MB21D2: variants seen among roughly 807,000 people sequenced by gnomAD.
MB21D2 encodes Mab-21 domain containing 2.
MB21D2 carries 9 observed loss-of-function variants against 33.3 expected under a neutral mutation model. The ratio of observed to expected loss-of-function variants is 0.27; its 90% CI spans 0.16 to 0.47. MB21D2 has a LOEUF of 0.47. Ranked by LOEUF, MB21D2 falls within the 20% of genes least tolerant of loss-of-function variation. The pLI is 0.99. For missense variants in MB21D2, 540 were observed against 624.6 expected (o/e 0.86, Z 1.44); for synonymous variants, 241 against 236.3 (o/e 1.02, Z -0.18).
At chr3:192,864,914 C>T (rs1713138857) in intron 1 of MB21D2, among the ~76,000 whole-genome samples, 1 of 152,184 alleles carries the variant, frequency 6.6e-6, no homozygotes, top group Non-Finnish European at 1.5e-5. Flanking sequence ...ATTCCTCCTC[C>T]TACACTGCTT....
chr3:192,873,269 T>G (rs746457973), intron 1 of MB21D2, among the ~76,000 whole-genome samples: 2 of 152,182 alleles, frequency 1.3e-5, no homozygotes, highest in Non-Finnish European at 2.9e-5. Flanking sequence ...AGTGTGTCAC[T>G]TCCTATATTC....
At chr3:192,848,052 G>T (rs1393018747) in intron 1 of MB21D2, among the ~76,000 whole-genome samples, 1 of 152,186 alleles carries the variant, frequency 6.6e-6, no homozygotes, top group Non-Finnish European at 1.5e-5. Flanking sequence ...TTTCGGCCAA[G>T]AAGTGTTCTT....
intron 1 of MB21D2, among the ~76,000 whole-genome samples, chr3:192,884,750 G>T (rs1485423608): frequency 6.6e-6 from 1 of 151,982 alleles, no homozygotes; most frequent in Non-Finnish European, 1.5e-5. Flanking sequence ...CTATTCACAT[G>T]CACACATGTG....
At chr3:192,887,149 G>A (rs953078433) in intron 1 of MB21D2, among the ~76,000 whole-genome samples, 5 of 152,046 alleles carry the variant, frequency 3.3e-5, no homozygotes, top group Admixed American at 6.6e-5. Context: ...CGATATCAAT[G>A]AACTTTACTT....
chr3:192,822,249 G>A (rs1349416130), intron 1 of MB21D2, among the ~76,000 whole-genome samples: 1 of 152,086 alleles, frequency 6.6e-6, no homozygotes, highest in Non-Finnish European at 1.5e-5. Flanking sequence ...AATAAGAGAT[G>A]TTTCTAAATT....
intron 1 of MB21D2, among the ~76,000 whole-genome samples, chr3:192,899,815 C>T (rs1714054460): frequency 2.1e-5 from 1 of 46,636 alleles, no homozygotes; most frequent in South Asian, 6.6e-4. Flanking sequence ...GTGTCTTGGG[C>T]ACCTCGTGTG....
At position 192,799,434 on chromosome 3, in the gene MB21D2, A is replaced by G; in HGVS notation, c.428T>C (p.Leu143Ser). Residue 143 changes from leucine to serine, a missense_variant, in exon 2 of 2, where the codon TTG becomes TCG. By Grantham distance (145) the Leu-to-Ser change is moderately radical (BLOSUM62 -2). Coordinates refer to ENST00000392452, the MANE Select transcript of MB21D2 (RefSeq NM_178496.4). This position sits in a 1 kb window ranked among gnomAD's most constrained non-coding sequence, Gnocchi z 4.1. ...CCGAAGGCTCAGCCAAGAGTGGCAC[A>G]AGGCTGAGTGGCGCATGTCGAGTGT... ...PVTLDMRHSA[L>S]CHSWLSLRLF... The G allele has an allele frequency of 6.2e-7, 1 of 1,614,248 alleles. No homozygotes were observed. The highest frequency in any genetic ancestry group is 8.5e-7 in the Non-Finnish European group (1 of 1,180,044).
Position 192,917,635 on chromosome 3 carries a change from A to G in MB21D2, c.206T>C (p.Met69Thr), listed in dbSNP as rs776274092. The G allele has an allele frequency of 5.6e-6, 9 of 1,613,908 alleles. No individual in the cohort carries two copies. The African/African-American group carries it at 1.1e-4, about 19-fold the overall frequency. The change falls in exon 1 of 2, where the codon ATG (methionine) becomes ACG (threonine). Residue 69 changes from methionine (M) to threonine (T), a missense_variant. By Grantham distance (81) the Met-to-Thr change is moderately conservative. Transcript: ENST00000392452. ...TCCCCCTTTTTCCTCCTTACCCAGC[A>G]TGGAAAAGATGAAATCCTTGGCTGT... is the stretch of plus-strand genomic sequence containing the variant. ...IHTAKDFIFS[M>T]LGMVQKLDQK...
chr3:192,907,603 A>T (rs1357200193), intron 1 of MB21D2, among the ~76,000 whole-genome samples: 1 of 152,206 alleles, frequency 6.6e-6, no homozygotes, highest in Non-Finnish European at 1.5e-5. Flanking sequence ...ATGGGGATTA[A>T]TACTTCCTAT....
At chr3:192,876,611 C>A (rs540218826) in intron 1 of MB21D2, among the ~76,000 whole-genome samples, 2 of 152,300 alleles carry the variant, frequency 1.3e-5, no homozygotes, top group South Asian at 4.1e-4. Flanking sequence ...TAGGATAGCG[C>A]CCTACATCCT....
At chr3:192,914,139 G>A (rs1294638385) in intron 1 of MB21D2, among the ~76,000 whole-genome samples, 2 of 152,122 alleles carry the variant, frequency 1.3e-5, no homozygotes, top group African/African-American at 2.4e-5. Flanking sequence ...ATGTTTTAGA[G>A]TAAGGCTGAC....
chr3:192,822,937 G>A (rs530535691), intron 1 of MB21D2, among the ~76,000 whole-genome samples: 2 of 152,278 alleles, frequency 1.3e-5, no homozygotes, highest in East Asian at 1.9e-4. Context: ...ACCTGAAAAC[G>A]TGTAAACCTA....
Position 192,852,714 on chromosome 3 carries a change from ATGACTGCCAGAAGCAGGTGAAGGTCAGT to A in MB21D2, c.212-53092_212-53065del, listed in dbSNP as rs1712833106. Among the ~76,000 whole-genome samples, 3 of 152,326 alleles carry A rather than the reference ATGACTGCCAGAAGCAGGTGAAGGTCAGT, an allele frequency of 2.0e-5. No homozygotes were observed. The South Asian group carries it at 6.2e-4, about 32-fold the overall frequency. ...TATGGCTAACATAATTGAGAGGTGG[ATGACTGCCAGAAGCAGGTGAAGGTCAGT>A]TGACTGGCAAATCCTCCAATTTTGC... On this transcript the variant is annotated intron_variant, in intron 1 of 1. Coordinates refer to ENST00000392452, the MANE Select transcript of MB21D2 (RefSeq NM_178496.4).
In MB21D2 at chr3:192,799,105, T is replaced by G; in HGVS notation, c.757A>C (p.Met253Leu). 1 of 1,614,160 alleles carries G rather than the reference T, an allele frequency of 6.2e-7. No homozygotes were observed. The highest frequency in any genetic ancestry group is 8.5e-7 in the Non-Finnish European group (1 of 1,180,014). Residue 253 changes from methionine (M) to leucine (L), a missense_variant, in exon 2 of 2, where the codon ATG becomes CTG. Coordinates refer to ENST00000392452, the MANE Select transcript of MB21D2 (RefSeq NM_178496.4). The surrounding 1 kb of genome is among the most constrained non-coding windows in gnomAD (Gnocchi z 4.1). The part of the protein sequence containing the change: ...GWPAVAQSWL[M>L]ENHFWDGKIT... ...TTCCCATCCCAAAAGTGGTTCTCCA[T>G]GAGCCAGCTCTGGGCCACTGCAGGC...
intron 1 of MB21D2, among the ~76,000 whole-genome samples, chr3:192,870,710 A>AAAAAAAAAAG: frequency 7.2e-6 from 1 of 139,734 alleles, no homozygotes; most frequent in South Asian, 2.3e-4. Flanking sequence ...AAAAAAAAAA[A>AAAAAAAAAAG]AAAAAAAAAG....
chr3:192,801,594 C>A (rs187017142), intron 1 of MB21D2, among the ~76,000 whole-genome samples: 1 of 152,124 alleles, frequency 6.6e-6, no homozygotes, highest in Non-Finnish European at 1.5e-5. Flanking sequence ...AACCTCAGAG[C>A]GCTTCTTTAC....
chr3:192,815,524 T>G (rs1399839453), intron 1 of MB21D2, among the ~76,000 whole-genome samples: 2 of 152,226 alleles, frequency 1.3e-5, no homozygotes, highest in Non-Finnish European at 2.9e-5. Flanking sequence ...GCAGAAAGTT[T>G]AACTGCATGA....
At chr3:192,835,325 G>A (rs561148110) in intron 1 of MB21D2, among the ~76,000 whole-genome samples, 218 of 150,386 alleles carry the variant, frequency 1.4e-3, no homozygotes, top group African/African-American at 4.9e-3. Context: ...GTGTGGTGGC[G>A]GGCACCTGTA....
chr3:192,812,488 A>C (rs9291032), intron 1 of MB21D2, among the ~76,000 whole-genome samples: 1 of 152,052 alleles, frequency 6.6e-6, no homozygotes, highest in African/African-American at 2.4e-5. Context: ...CCTAATGACA[A>C]AGTTTTCTGA....
Sources: gnomAD v4.1 joint callset for allele counts (sites outside exome capture counted in the v4.1 genomes callset) on GRCh38, gnomAD v4.1.1 for gene constraint, Gnocchi (gnomAD v3.1) non-coding constraint, MANE v1.5 for transcripts, NCBI Gene and HGNC (gene_info 2026-07-23, HGNC 2026-07-21) for gene names.